The following EXOC4 variants were observed in gnomAD, a reference collection of about 807,000 sequenced individuals.
EXOC4 encodes the protein exocyst complex component 4, also known as SEC8-like 1.
In EXOC4, 71 loss-of-function variants were observed where a neutral mutation model predicts 107.2. That is an observed-to-expected ratio of 0.66 (90% CI 0.55 to 0.81). The LOEUF (loss-of-function observed/expected upper bound fraction) is 0.81. Among genes scored for constraint, EXOC4 ranks in the 30% least tolerant of loss-of-function variants. The probability of loss-of-function intolerance (pLI) is 0.00; values close to 1 mark genes in which losing one functional copy is unlikely to be tolerated. For synonymous variants in EXOC4, 456 were observed against 441.2 expected (o/e 1.03, Z -0.42); for missense variants, 1,108 against 1,189.6 (o/e 0.93, Z 1.01).
At chr7:133,338,004 TTTC>T (rs1795558860) in intron 5 of EXOC4, among the ~76,000 whole-genome samples, 1 of 103,066 alleles carries the variant, frequency 9.7e-6, no homozygotes, top group African/African-American at 2.7e-5. Flanking sequence ...TTTGTTAGGT[TTTC>T]TTTCTTTTTT....
In EXOC4 at chr7:133,589,167, G is replaced by C. The variant is rs375080384; in HGVS notation, c.1418-40878G>C. 2.1e-4 allele frequency among the ~76,000 whole-genome samples: 32 copies of C among 152,254 alleles called. No homozygotes were observed. In the East Asian group the frequency reaches 4.1e-3, roughly 19 times the overall value. On this transcript the variant is annotated intron_variant, in intron 9 of 17. Coordinates refer to ENST00000253861, the MANE Select transcript of EXOC4 (RefSeq NM_021807.4). ...GGGTACTGGGAACCTAACCGTGTCAGTGCCATCTTTTTTACATTACTAACT... is the reference window on the plus strand; with the variant it reads ...GGGTACTGGGAACCTAACCGTGTCACTGCCATCTTTTTTACATTACTAACT...
Position 133,624,519 on chromosome 7 carries a change from G to A in EXOC4, c.1418-5526G>A, listed in dbSNP as rs527402196. On this transcript the variant is annotated intron_variant, in intron 9 of 17. Coordinates refer to ENST00000253861, the MANE Select transcript of EXOC4 (RefSeq NM_021807.4). ...GATCCCTTGAGCCTGGAAGGTTGAG[G>A]CTGCAGTGAGCTGTGATCACACCAC... 2.0e-5 allele frequency among the ~76,000 whole-genome samples: 3 copies of A among 152,240 alleles called. No individual in the cohort carries two copies. In the East Asian group the frequency reaches 5.8e-4, roughly 29 times the overall value.
At chr7:133,833,308 C>T in intron 11 of EXOC4, among the ~76,000 whole-genome samples, 1 of 151,066 alleles carries the variant, frequency 6.6e-6, no homozygotes, top group African/African-American at 2.4e-5. Context: ...ATTAATAAGA[C>T]AAAAGAACAA....
intron 10 of EXOC4, among the ~76,000 whole-genome samples, chr7:133,767,035 A>G (rs771591672): frequency 2.7e-5 from 4 of 150,884 alleles, no homozygotes; most frequent in Non-Finnish European, 3.0e-5. Context: ...TAAGCGGGGA[A>G]CTCTGATTTC....
chr7:133,482,018 G>C (rs1471251797), intron 9 of EXOC4, among the ~76,000 whole-genome samples: 1 of 151,948 alleles, frequency 6.6e-6, no homozygotes, highest in African/African-American at 2.4e-5. Context: ...CCACACTCAC[G>C]GTATCCTAAT....
At chr7:133,400,104 A>G (rs977954446) in intron 7 of EXOC4, among the ~76,000 whole-genome samples, 10 of 152,240 alleles carry the variant, frequency 6.6e-5, no homozygotes, top group African/African-American at 2.4e-4. Context: ...AGTTAGTGGC[A>G]CTGAGATATA....
Position 133,279,327 on chromosome 7 carries a change from A to G in EXOC4, c.276+4156A>G, listed in dbSNP as rs140573824. 4.7e-3 allele frequency among the ~76,000 whole-genome samples: 722 copies of G among 152,308 alleles called. 5 individuals are homozygous for G. The highest frequency in any genetic ancestry group is 7.0e-3 in the Non-Finnish European group (478 of 68,018). The stretch of plus-strand genomic sequence containing the variant: ...CAGCATGATTTATAATCCTTTGGGT[A>G]GATACCCAGTAATGGGATGGCTGGT... On this transcript the variant is annotated intron_variant, in intron 2 of 17. Transcript: ENST00000253861.
intron 9 of EXOC4, among the ~76,000 whole-genome samples, chr7:133,601,064 C>T (rs1270657262): frequency 1.3e-5 from 2 of 152,170 alleles, no homozygotes; most frequent in South Asian, 2.1e-4. Flanking sequence ...ATGTACACTG[C>T]GTTGCCCAGC....
At chr7:133,664,187 C>A (rs964569759) in intron 10 of EXOC4, among the ~76,000 whole-genome samples, 2 of 152,078 alleles carry the variant, frequency 1.3e-5, no homozygotes, top group African/African-American at 2.4e-5. Flanking sequence ...TCCAGCATGC[C>A]CTACTTTTTA....
chr7:133,392,380 T>A (rs1208330284), intron 7 of EXOC4, among the ~76,000 whole-genome samples: 1 of 152,152 alleles, frequency 6.6e-6, no homozygotes, highest in African/African-American at 2.4e-5. Context: ...CCATCCCTCC[T>A]GGTGTTGTAG....
intron 10 of EXOC4, among the ~76,000 whole-genome samples, chr7:133,748,527 A>T (rs1795723356): frequency 6.6e-6 from 1 of 152,176 alleles, no homozygotes; most frequent in Admixed American, 6.5e-5. Flanking sequence ...CACTAGAAGG[A>T]CTTATGGAAC....
chr7:133,532,813 G>T (rs902911367), intron 9 of EXOC4, among the ~76,000 whole-genome samples: 1 of 152,030 alleles, frequency 6.6e-6, no homozygotes. Context: ...TTTTGAGGAG[G>T]AATTCTAATA....
intron 10 of EXOC4, among the ~76,000 whole-genome samples, chr7:133,653,602 C>T (rs1285179784): frequency 6.6e-6 from 1 of 152,178 alleles, no homozygotes; most frequent in African/African-American, 2.4e-5. Context: ...TCCCCTCATT[C>T]CTTGTAAACT....
chr7:133,696,344 A>C (rs1794533095), intron 10 of EXOC4, among the ~76,000 whole-genome samples: 1 of 152,194 alleles, frequency 6.6e-6, no homozygotes, highest in Non-Finnish European at 1.5e-5. Flanking sequence ...CCAATTAAGA[A>C]AGACTGGTGA....
intron 7 of EXOC4, among the ~76,000 whole-genome samples, chr7:133,448,023 C>G (rs964362918): frequency 1.3e-5 from 2 of 152,124 alleles, no homozygotes; most frequent in African/African-American, 2.4e-5. Flanking sequence ...AATAGTTGAG[C>G]CACTATTAGT....
intron 14 of EXOC4, among the ~76,000 whole-genome samples, chr7:133,985,239 G>A (rs925168012): frequency 1.2e-4 from 18 of 152,130 alleles, no homozygotes; most frequent in Non-Finnish European, 2.2e-4. Context: ...AAATGGTACC[G>A]CATAAAAGAA....
intron 14 of EXOC4, among the ~76,000 whole-genome samples, chr7:133,953,535 C>A (rs1416008693): frequency 6.6e-6 from 1 of 151,982 alleles, no homozygotes; most frequent in African/African-American, 2.4e-5. Flanking sequence ...CATGTGGTCC[C>A]AGCTACTAGG....
Position 134,020,305 on chromosome 7 carries a change from G to A in EXOC4, c.2687+12470G>A, listed in dbSNP as rs193124485. On this transcript the variant is annotated intron_variant, in intron 17 of 17. Coordinates refer to ENST00000253861, the MANE Select transcript of EXOC4 (RefSeq NM_021807.4). ...CTGAGGGTAGGGCTTGGGCATCTGC[G>A]GCTTAACAAGTGCTCAGGAGATTAT... Among the ~76,000 whole-genome samples the A allele has an allele frequency of 3.7e-3, 560 of 152,198 alleles. 3 individuals carry two copies. The highest frequency in any genetic ancestry group is 5.4e-3 in the Admixed American group (82 of 15,276).
rs186967533 is a variant in EXOC4, at chr7:133,471,973, A to T, written c.1183-3355A>T. ...GGCCTGGCAAGGGCTCCTTGAAGAA[A>T]AAACACTGGAATTATTCTTGGAAGT... On this transcript the variant is annotated intron_variant, in intron 7 of 17. Transcript: ENST00000253861. 7.2e-5 allele frequency among the ~76,000 whole-genome samples: 11 copies of T among 152,342 alleles called. 1 individual carries two copies. The highest frequency in any genetic ancestry group is 1.6e-4 in the Non-Finnish European group (11 of 68,032).
Sources: gnomAD v4.1 joint callset for allele counts (sites outside exome capture counted in the v4.1 genomes callset) on GRCh38, gnomAD v4.1.1 for gene constraint, MANE v1.5 for transcripts, NCBI Gene and HGNC (gene_info 2026-07-23, HGNC 2026-07-21) for gene names.